The following GALNTL6 variants were observed in gnomAD, a reference collection of about 807,000 sequenced individuals.
GALNTL6 encodes polypeptide N-acetylgalactosaminyltransferase-like 6.
A neutral mutation model predicts 73.7 loss-of-function variants in GALNTL6; 46 were observed. The ratio of observed to expected loss-of-function variants is 0.62; its 90% CI spans 0.49 to 0.80. The LOEUF is 0.80. Ranked by LOEUF, GALNTL6 falls within the 30% of genes least tolerant of loss-of-function variation. The pLI is 0.00. For synonymous variants in GALNTL6, 259 were observed against 263.7 expected, an observed-to-expected ratio of 0.98 and a Z score of 0.17; for missense variants, 604 against 755.0, an observed-to-expected ratio of 0.80 and a Z score of 2.34.
intron 5 of GALNTL6, among the ~76,000 whole-genome samples, chr4:172,432,577 A>G (rs1731493855): frequency 6.6e-6 from 1 of 152,112 alleles, no homozygotes; most frequent in Non-Finnish European, 1.5e-5. Flanking sequence ...AATGGACATG[A>G]CAAAATTTTG....
intron 2 of GALNTL6, among the ~76,000 whole-genome samples, chr4:172,075,151 A>AT (rs1354392090): frequency 2.0e-5 from 3 of 152,098 alleles, no homozygotes; most frequent in Non-Finnish European, 2.9e-5. Context: ...AAAATCTTGT[A>AT]TTTATTGTTT....
At chr4:172,802,193 C>T (rs73869673) in intron 5 of GALNTL6, among the ~76,000 whole-genome samples, 2,188 of 152,052 alleles carry the variant, frequency 0.014, 49 homozygotes, top group African/African-American at 0.049. Flanking sequence ...CAAGTATTAC[C>T]AGCAGCTGAA....
At chr4:172,698,424 A>ACAGG (rs1212266558) in intron 5 of GALNTL6, among the ~76,000 whole-genome samples, 64 of 152,118 alleles carry the variant, frequency 4.2e-4, no homozygotes, top group Admixed American at 7.2e-4. Context: ...CCTTCCGCTG[A>ACAGG]GATCCCATCT....
chr4:172,786,583 T>A (rs1002010896), intron 5 of GALNTL6, among the ~76,000 whole-genome samples: 4 of 152,190 alleles, frequency 2.6e-5, no homozygotes, highest in African/African-American at 9.6e-5. Context: ...TGTCTAGGCA[T>A]GCCCAAGTTT....
chr4:172,705,176 CACTCTT>C (rs1434806337), intron 5 of GALNTL6, among the ~76,000 whole-genome samples: 2 of 151,102 alleles, frequency 1.3e-5, no homozygotes, highest in Admixed American at 1.3e-4. Flanking sequence ...CATTTACACT[CACTCTT>C]ATTATTAATA....
chr4:172,453,115 C>T lies in GALNTL6; in HGVS notation c.553+104426C>T, dbSNP rs981983417. Among the ~76,000 whole-genome samples the T allele has an allele frequency of 3.9e-5, 6 of 151,908 alleles. No individual in the cohort carries two copies. The East Asian group carries it at 7.8e-4, about 20-fold the overall frequency. On this transcript the variant is annotated intron_variant, in intron 5 of 12. Coordinates refer to ENST00000506823, the MANE Select transcript of GALNTL6 (RefSeq NM_001034845.3). ...ACTCCGGAGGCTGCGGCAGAAGAAT[C>T]GTTTAGAACCCAGGAGGCGGAGGTT... is the stretch of plus-strand genomic sequence containing the variant.
chr4:171,844,830 A>G lies in GALNTL6; in HGVS notation c.138+30112A>G, dbSNP rs181194246. On this transcript the variant is annotated intron_variant, in intron 2 of 12. Transcript: ENST00000506823. ...AAGATAACAAGCAATTTAGTCAGAG[A>G]TGGTTGCTGTGGCAGGGACTTTCTT... is the stretch of plus-strand genomic sequence containing the variant. Among the ~76,000 whole-genome samples the G allele has an allele frequency of 5.9e-5, 9 of 152,220 alleles. No individual in the cohort carries two copies. In the East Asian group the frequency reaches 1.7e-3, roughly 29 times the overall value.
At chr4:172,627,847 A>G (rs1385354893) in intron 5 of GALNTL6, among the ~76,000 whole-genome samples, 1 of 151,734 alleles carries the variant, frequency 6.6e-6, no homozygotes, top group Admixed American at 6.6e-5. Flanking sequence ...ATTGGTTATA[A>G]TGTTATCTTT....
At chr4:171,977,866 T>A (rs533333036) in intron 2 of GALNTL6, among the ~76,000 whole-genome samples, 4 of 152,222 alleles carry the variant, frequency 2.6e-5, no homozygotes, top group Non-Finnish European at 4.4e-5. Context: ...AATTTTTAAA[T>A]CTATAATCAC....
At chr4:172,013,132 A>G (rs1433033345) in intron 2 of GALNTL6, among the ~76,000 whole-genome samples, 2 of 152,162 alleles carry the variant, frequency 1.3e-5, no homozygotes, top group African/African-American at 4.8e-5. Flanking sequence ...ACATCAGGGT[A>G]ATTAGCAAAC....
chr4:172,254,350 G>T (rs1579303558), intron 3 of GALNTL6, among the ~76,000 whole-genome samples: 1 of 151,756 alleles, frequency 6.6e-6, no homozygotes, highest in Non-Finnish European at 1.5e-5. Context: ...AATAAAGAGG[G>T]AGGCCATCTT....
intron 5 of GALNTL6, among the ~76,000 whole-genome samples, chr4:172,501,335 T>C (rs1734253451): frequency 6.6e-6 from 1 of 152,210 alleles, no homozygotes; most frequent in African/African-American, 2.4e-5. Context: ...TGCAGCTTTA[T>C]TAATCAAAAA....
chr4:172,517,656 T>C (rs1734652562), intron 5 of GALNTL6, among the ~76,000 whole-genome samples: 1 of 152,116 alleles, frequency 6.6e-6, no homozygotes. Context: ...TGTCAGAACA[T>C]TGACAATTGT....
rs142245600 is a variant in GALNTL6 at position 172,703,378 on chromosome 4, A to C, written c.554-105983A>C. Among the ~76,000 whole-genome samples, 9 of 151,994 alleles carry C rather than the reference A, an allele frequency of 5.9e-5. No homozygotes were observed. In the East Asian group the frequency reaches 1.7e-3, roughly 29 times the overall value. On this transcript the variant is annotated intron_variant, in intron 5 of 12. Transcript: ENST00000506823. ...TTTGAGGTACATTCCTTCTATGTCT[A>C]GTTTGTTAAGTATTTTTATTATGAA...
intron 2 of GALNTL6, among the ~76,000 whole-genome samples, chr4:172,057,075 A>T (rs1028342854): frequency 1.3e-5 from 2 of 152,102 alleles, no homozygotes; most frequent in African/African-American, 4.8e-5. Context: ...AGAACGCATA[A>T]ACTTTTGCCT....
chr4:172,014,010 T>G (rs1052657093), intron 2 of GALNTL6, among the ~76,000 whole-genome samples: 6 of 152,108 alleles, frequency 3.9e-5, no homozygotes, highest in Non-Finnish European at 7.4e-5. Context: ...CTTAACATAA[T>G]GATCTCCAAT....
intron 5 of GALNTL6, among the ~76,000 whole-genome samples, chr4:172,616,782 G>A (rs1174444353): frequency 6.6e-6 from 1 of 152,030 alleles, no homozygotes; most frequent in Non-Finnish European, 1.5e-5. Context: ...CAGTTCTCCT[G>A]AAAACCAGGC....
At chr4:172,262,753 A>G (rs1326385224) in intron 3 of GALNTL6, among the ~76,000 whole-genome samples, 1 of 151,410 alleles carries the variant, frequency 6.6e-6, no homozygotes. Flanking sequence ...ATTTTGATCT[A>G]TTTTGATGTT....
intron 3 of GALNTL6, among the ~76,000 whole-genome samples, chr4:172,264,626 C>CCAA (rs1356535072): frequency 8.1e-6 from 1 of 123,322 alleles, no homozygotes; most frequent in Non-Finnish European, 1.7e-5. Flanking sequence ...ATATATTTGG[C>CCAA]ATATATTATA....
Sources: gnomAD v4.1 joint callset for allele counts (sites outside exome capture counted in the v4.1 genomes callset) on GRCh38, gnomAD v4.1.1 for gene constraint, MANE v1.5 for transcripts, NCBI Gene and HGNC (gene_info 2026-07-23, HGNC 2026-07-21) for gene names.